Variants in SPOP observed in about 807,000 individuals in gnomAD.
SPOP encodes the protein speckle-type POZ protein.
A neutral mutation model predicts 45.6 loss-of-function variants in SPOP; 11 were observed. The ratio of observed to expected loss-of-function variants is 0.24; its 90% confidence interval spans 0.15 to 0.40. SPOP has a LOEUF of 0.40. Among genes scored for constraint, SPOP ranks in the 10% least tolerant of loss-of-function variants. The probability of loss-of-function intolerance (pLI) is 1.00; values close to 1 mark genes in which losing one functional copy is unlikely to be tolerated. For missense variants in SPOP, 152 were observed against 465.6 expected (o/e 0.33, Z 6.20); for synonymous variants, 166 against 166.3 (o/e 1.00, Z 0.01).
In SPOP at chr17:49,622,833, G is replaced by T; in HGVS notation, c.-23C>A. On this transcript the variant is annotated 5_prime_UTR_variant, in exon 2 of 10. Coordinates refer to ENST00000504102, the MANE Select transcript of SPOP (RefSeq NM_001007228.2). ...CATCGCCAGTTTGAAGGTTAAACGAGATTTCCAAAGTCAGGGGGCAAAGAT... is the reference window on the plus strand; with the variant it reads ...CATCGCCAGTTTGAAGGTTAAACGATATTTCCAAAGTCAGGGGGCAAAGAT... 1 of 1,606,270 alleles carries T rather than the reference G, an allele frequency of 6.2e-7. No homozygotes were observed. The highest frequency in any genetic ancestry group is 8.5e-7 in the Non-Finnish European group (1 of 1,172,876).
Position 49,619,412 on chromosome 17 carries a change from AT to A in SPOP, c.201-28del. ...TGTCCAAAACAGATAGAAAAAAAAAATGTCAAAAGCATCCATTTTGATAGAA... is the reference window on the plus strand; with the variant it reads ...TGTCCAAAACAGATAGAAAAAAAAAAGTCAAAAGCATCCATTTTGATAGAA... On this transcript the variant is annotated intron_variant, in intron 3 of 9. Coordinates refer to ENST00000504102, the MANE Select transcript of SPOP (RefSeq NM_001007228.2). The surrounding 1 kb of genome is among the most constrained non-coding windows in gnomAD (Gnocchi z 4.9). The A allele has an allele frequency of 6.3e-7, 1 of 1,582,780 alleles. No individual in the cohort carries two copies. The highest frequency in any genetic ancestry group is 8.6e-7 in the Non-Finnish European group (1 of 1,168,626).
chr17:49,638,241 TC>T (rs1388432372), intron 1 of SPOP, among the ~76,000 whole-genome samples: 1 of 152,184 alleles, frequency 6.6e-6, no homozygotes, highest in Non-Finnish European at 1.5e-5. Flanking sequence ...ACTGCTATAT[TC>T]CCTTTTGTGA....
intron 5 of SPOP, among the ~76,000 whole-genome samples, chr17:49,615,783 T>C (rs1418835268): frequency 1.3e-5 from 2 of 152,144 alleles, no homozygotes; most frequent in Non-Finnish European, 2.9e-5. Flanking sequence ...CCACTTAGTG[T>C]AGTGCAGCGG....
At chr17:49,626,911 GC>G (rs1235160982) in intron 1 of SPOP, among the ~76,000 whole-genome samples, 1 of 151,944 alleles carries the variant, frequency 6.6e-6, no homozygotes, top group Non-Finnish European at 1.5e-5. Flanking sequence ...GAGTGCAGTG[GC>G]GATCTTGGCT....
At chr17:49,611,242 C>A in intron 6 of SPOP, 38 bp downstream of exon 6, 1 of 1,587,638 alleles carries the variant, frequency 6.3e-7, no homozygotes, top group South Asian at 1.1e-5. Context: ...TTCCTTATTT[C>A]ACCAAAACTA....
At chr17:49,675,455 C>T (rs772732944) in intron 1 of SPOP, among the ~76,000 whole-genome samples, 5 of 151,992 alleles carry the variant, frequency 3.3e-5, no homozygotes, top group African/African-American at 1.2e-4. Context: ...TATACTGTCT[C>T]GGGATGAATA....
Position 49,640,725 on chromosome 17 carries a change from T to C in SPOP, c.-66-17849A>G, listed in dbSNP as rs185304051. On this transcript the variant is annotated intron_variant, in intron 1 of 9. Coordinates refer to ENST00000504102, the MANE Select transcript of SPOP (RefSeq NM_001007228.2). ...CAATGGCCAAAAGGGTCCTGCACAA[T>C]CTGGACTTGATTACCTCTCTGGCCT... 2.5e-3 allele frequency among the ~76,000 whole-genome samples: 377 copies of C among 152,302 alleles called. 3 individuals are homozygous for C. Among genetic ancestry groups the C allele is most frequent in the Non-Finnish European group, 1.8e-3 (124 of 68,038 alleles).
At chr17:49,676,150 C>A (rs921091140) in intron 1 of SPOP, 1 of 152,138 alleles carries the variant, frequency 6.6e-6, no homozygotes, top group African/African-American at 2.4e-5. Context: ...ACATAGGAAA[C>A]AGTAAACATC....
intron 1 of SPOP, among the ~76,000 whole-genome samples, chr17:49,623,429 T>G (rs902271164): frequency 2.6e-5 from 4 of 152,180 alleles, no homozygotes; most frequent in African/African-American, 9.7e-5. Flanking sequence ...CTGAATGAAT[T>G]TATTCAAAGG....
intron 1 of SPOP, among the ~76,000 whole-genome samples, chr17:49,673,690 C>T (rs1033335937): frequency 6.6e-6 from 1 of 152,174 alleles, no homozygotes; most frequent in Non-Finnish European, 1.5e-5. Flanking sequence ...GCTCCAAATG[C>T]ACTTCCTCCA....
chr17:49,610,200 G>C (rs2077335045), intron 6 of SPOP, among the ~76,000 whole-genome samples: 1 of 152,088 alleles, frequency 6.6e-6, no homozygotes, highest in Admixed American at 6.6e-5. Context: ...TAACCAAAGA[G>C]TTATAGACTT....
intron 1 of SPOP, among the ~76,000 whole-genome samples, chr17:49,624,331 G>GCGCGCACACA (rs71352523): frequency 2.7e-5 from 4 of 149,222 alleles, no homozygotes; most frequent in African/African-American, 1.0e-4. Flanking sequence ...GCGCGCGCGC[G>GCGCGCACACA]CACACACACA....
intron 1 of SPOP, among the ~76,000 whole-genome samples, chr17:49,643,342 A>G (rs1046484101): frequency 6.6e-6 from 1 of 152,202 alleles, no homozygotes; most frequent in Admixed American, 6.5e-5. Flanking sequence ...AATATACTCA[A>G]CCTCACAATA....
chr17:49,643,190 C>T (rs571538439), intron 1 of SPOP, among the ~76,000 whole-genome samples: 1 of 152,340 alleles, frequency 6.6e-6, no homozygotes, highest in Admixed American at 6.5e-5. Flanking sequence ...GGAAGTCCTA[C>T]TCAAACGCTT....
chr17:49,611,024 A>G (rs1405487636), intron 6 of SPOP, among the ~76,000 whole-genome samples: 5 of 152,156 alleles, frequency 3.3e-5, no homozygotes, highest in Non-Finnish European at 7.3e-5. Context: ...AAGGCATTCA[A>G]TACCTTTGTA....
chr17:49,676,073 T>C (rs140586956), intron 1 of SPOP: 1 of 152,122 alleles, frequency 6.6e-6, no homozygotes, highest in Non-Finnish European at 1.5e-5. Flanking sequence ...CGAAACCTAC[T>C]GAGAAGACGG....
intron 1 of SPOP, among the ~76,000 whole-genome samples, chr17:49,638,163 C>A (rs1213705263): frequency 6.6e-6 from 1 of 152,228 alleles, no homozygotes; most frequent in Non-Finnish European, 1.5e-5. Context: ...TACAAAGTAG[C>A]TCAAAACAGA....
chr17:49,647,757 AG>A (rs1487766013), intron 1 of SPOP, among the ~76,000 whole-genome samples: 1 of 152,220 alleles, frequency 6.6e-6, no homozygotes, highest in Non-Finnish European at 1.5e-5. Context: ...CTAGGATTAT[AG>A]GTGTGAGCCA....
Position 49,599,784 on chromosome 17 carries a change from TG to T in SPOP, c.*593del, listed in dbSNP as rs2071706255. On this transcript the variant is annotated 3_prime_UTR_variant, in exon 10 of 10. Transcript: ENST00000504102. ...CATAAAAGGATAAAAGGATGTATTC[TG>T]TTCTTGCAAACAATAAGTGCTAACA... 4.8e-6 allele frequency: 1 copy of T among 206,336 alleles called. No homozygotes were observed. Among genetic ancestry groups the T allele is most frequent in the East Asian group, 7.4e-5 (1 of 13,504 alleles). The allele number at this position is 206,336 out of a possible 1,614,324, so 12.8% of individuals were successfully genotyped here.
Sources: gnomAD v4.1 joint callset for allele counts (sites outside exome capture counted in the v4.1 genomes callset) on GRCh38, gnomAD v4.1.1 for gene constraint, Gnocchi (gnomAD v3.1) non-coding constraint, MANE v1.5 for transcripts, NCBI Gene and HGNC (gene_info 2026-07-23, HGNC 2026-07-21) for gene names.